CSMD1: variants seen among roughly 807,000 people sequenced by gnomAD.
CSMD1 encodes the protein CUB and Sushi multiple domains 1, also known as CUB and sushi domain-containing protein 1.
Under a neutral mutation model 417.5 loss-of-function variants are expected in CSMD1, and 213 were observed. The observed-to-expected ratio is 0.51, with a 90% CI of 0.46 to 0.57. The LOEUF is 0.57. Ranked by LOEUF, CSMD1 falls within the 20% of genes least tolerant of loss-of-function variation. The probability of loss-of-function intolerance (pLI) is 0.00; values close to 1 mark genes in which losing one functional copy is unlikely to be tolerated. For synonymous variants in CSMD1, 2,862 were observed against 1,736.8 expected, an observed-to-expected ratio of 1.65 and a Z score of -16.11; for missense variants, 6,923 against 4,529.7, an observed-to-expected ratio of 1.53 and a Z score of -15.17.
chr8:3,366,101 G>A (rs1377458048), intron 20 of CSMD1, among the ~76,000 whole-genome samples: 1 of 152,180 alleles, frequency 6.6e-6, no homozygotes, highest in Non-Finnish European at 1.5e-5. Flanking sequence ...ACCACCTTAT[G>A]AAAATTACAT....
intron 2 of CSMD1, among the ~76,000 whole-genome samples, chr8:4,524,876 C>G (rs932606121): frequency 2.0e-5 from 3 of 151,970 alleles, no homozygotes; most frequent in Non-Finnish European, 4.4e-5. Flanking sequence ...TTAATTTTAC[C>G]ATGACTTCTA....
chr8:4,863,285 G>T (rs114666869), intron 1 of CSMD1, among the ~76,000 whole-genome samples: 5 of 151,816 alleles, frequency 3.3e-5, no homozygotes, highest in Non-Finnish European at 7.4e-5. Context: ...TTAGAACGGC[G>T]CATGGTATAT....
intron 23 of CSMD1, among the ~76,000 whole-genome samples, chr8:3,331,904 T>A (rs936191393): frequency 1.4e-4 from 21 of 152,180 alleles, no homozygotes; most frequent in African/African-American, 5.1e-4. Flanking sequence ...AGAGAGAAAT[T>A]CAGAAGATCA....
chr8:3,775,585 A>C (rs925102980), intron 5 of CSMD1, among the ~76,000 whole-genome samples: 11 of 152,194 alleles, frequency 7.2e-5, no homozygotes, highest in African/African-American at 2.7e-4. Context: ...GTGTGGACTC[A>C]TGTGCTCTTG....
At chr8:2,970,499 T>C (rs958907404) in intron 57 of CSMD1, among the ~76,000 whole-genome samples, 20 of 152,258 alleles carry the variant, frequency 1.3e-4, no homozygotes, top group Admixed American at 3.3e-4. Flanking sequence ...GTTCTGCTTT[T>C]AATCAGCATC....
At chr8:3,774,255 T>C (rs1798778491) in intron 5 of CSMD1, among the ~76,000 whole-genome samples, 1 of 152,168 alleles carries the variant, frequency 6.6e-6, no homozygotes, top group Non-Finnish European at 1.5e-5. Flanking sequence ...CTCTGTAAAT[T>C]CTTACAGATT....
chr8:4,324,048 G>A (rs1799417921), intron 3 of CSMD1, among the ~76,000 whole-genome samples: 1 of 152,146 alleles, frequency 6.6e-6, no homozygotes, highest in Non-Finnish European at 1.5e-5. Flanking sequence ...CCTCTGTGTA[G>A]TTCAAATTTA....
chr8:3,715,607 A>G (rs745943690), intron 6 of CSMD1, among the ~76,000 whole-genome samples: 1 of 152,128 alleles, frequency 6.6e-6, no homozygotes, highest in East Asian at 1.9e-4. Context: ...CAGTGACACA[A>G]TCTGGACTCA....
At chr8:4,720,221 T>A (rs1413038447) in intron 1 of CSMD1, among the ~76,000 whole-genome samples, 2 of 151,616 alleles carry the variant, frequency 1.3e-5, no homozygotes, top group Non-Finnish European at 2.9e-5. Flanking sequence ...TGATGTTTCT[T>A]AGTAATAATA....
At chr8:4,782,303 C>T (rs1345809032) in intron 1 of CSMD1, among the ~76,000 whole-genome samples, 1 of 152,104 alleles carries the variant, frequency 6.6e-6, no homozygotes, top group Non-Finnish European at 1.5e-5. Context: ...GATGAATATG[C>T]TAGTTACCTT....
At chr8:4,825,651 C>A (rs975442589) in intron 1 of CSMD1, among the ~76,000 whole-genome samples, 2 of 151,928 alleles carry the variant, frequency 1.3e-5, no homozygotes, top group Admixed American at 1.3e-4. Context: ...AAAGCTTCTG[C>A]ACAGCAAAGA....
chr8:4,094,856 T>C (rs1800916764), intron 3 of CSMD1, among the ~76,000 whole-genome samples: 5 of 152,122 alleles, frequency 3.3e-5, no homozygotes, highest in Admixed American at 2.6e-4. Context: ...TAGTTGGTGA[T>C]GTGTTTGGGG....
chr8:4,672,444 C>A (rs1186678003), intron 1 of CSMD1, among the ~76,000 whole-genome samples: 2 of 151,972 alleles, frequency 1.3e-5, no homozygotes, highest in Admixed American at 6.6e-5. Flanking sequence ...GTAAAATAAC[C>A]CATTTTCTCA....
intron 2 of CSMD1, among the ~76,000 whole-genome samples, chr8:4,534,224 A>C (rs971413997): frequency 6.6e-6 from 1 of 152,170 alleles, no homozygotes; most frequent in African/African-American, 2.4e-5. Context: ...CTCAGAAAGA[A>C]ATACCTTCTG....
intron 5 of CSMD1, among the ~76,000 whole-genome samples, chr8:3,818,118 A>G (rs1174316551): frequency 3.9e-5 from 6 of 152,124 alleles, no homozygotes; most frequent in Non-Finnish European, 8.8e-5. Context: ...CTGAGAGCCC[A>G]GGACCCAAAG....
At chr8:4,560,028 C>A (rs1486080730) in intron 2 of CSMD1, among the ~76,000 whole-genome samples, 1 of 152,208 alleles carries the variant, frequency 6.6e-6, no homozygotes, top group Non-Finnish European at 1.5e-5. Context: ...ATGCAGTTGA[C>A]AGACAGCCTC....
chr8:4,262,904 C>T (rs530316556), intron 3 of CSMD1, among the ~76,000 whole-genome samples: 1 of 152,254 alleles, frequency 6.6e-6, no homozygotes, highest in Admixed American at 6.5e-5. Context: ...TCACAGAAGT[C>T]ATCATTTAAA....
intron 26 of CSMD1, among the ~76,000 whole-genome samples, chr8:3,281,092 C>A (rs968536310): frequency 6.6e-6 from 1 of 152,114 alleles, no homozygotes; most frequent in African/African-American, 2.4e-5. Context: ...TGTTTAGAGG[C>A]AGCTTTAGGC....
chr8:3,796,533 T>C (rs1343355760), intron 5 of CSMD1, among the ~76,000 whole-genome samples: 3 of 144,984 alleles, frequency 2.1e-5, no homozygotes, highest in African/African-American at 7.5e-5. Flanking sequence ...ATATCTAAGA[T>C]ATATATCTAT....
Sources: allele counts gnomAD v4.1 joint callset (sites outside exome capture counted in the v4.1 genomes callset), GRCh38; gene constraint gnomAD v4.1.1; transcripts MANE v1.5; gene names NCBI Gene and HGNC (gene_info 2026-07-23, HGNC 2026-07-21).